Variants in SERBP1 observed in about 807,000 individuals in gnomAD.
The protein encoded by SERBP1 is SERPINE1 mRNA binding protein 1, also known as SERPINE1 mRNA-binding protein 1.
SERBP1 carries 6 observed loss-of-function variants against 50.2 expected under a neutral mutation model. The ratio of observed to expected loss-of-function variants is 0.12; its 90% CI spans 0.07 to 0.24. SERBP1 has a LOEUF of 0.24. Ranked by LOEUF, SERBP1 falls within the 10% of genes least tolerant of loss-of-function variation. The pLI is 1.00. For missense variants in SERBP1, 346 were observed against 524.9 expected, an observed-to-expected ratio of 0.66 and a Z score of 3.33; for synonymous variants, 168 against 182.8, an observed-to-expected ratio of 0.92 and a Z score of 0.65.
At chr1:67,427,889 C>A (rs1268571764) in intron 1 of SERBP1, among the ~76,000 whole-genome samples, 2 of 152,220 alleles carry the variant, frequency 1.3e-5, no homozygotes, top group East Asian at 1.9e-4. Flanking sequence ...CCCTGGTCTA[C>A]ACTCTCAATG....
chr1:67,420,253 T>A, intron 5 of SERBP1, 67 bp from the exon 6 acceptor site: 1 of 1,261,996 alleles, frequency 7.9e-7, no homozygotes, highest in African/African-American at 1.5e-5. Context: ...ATTTTAAATT[T>A]ATGATTTTAA....
Position 67,430,187 on chromosome 1 carries a change from T to A in SERBP1, c.114A>T (p.Lys38Asn). Residue 38 changes from lysine (K) to asparagine (N), a missense_variant, in exon 1 of 8, where the codon AAA becomes AAT. By Grantham distance (94) the Lys-to-Asn change is moderately conservative. Transcript: ENST00000361219. ...FEVLKAAENKKKEAGGGGVGG... is the reference protein window; with the variant it reads ...FEVLKAAENKNKEAGGGGVGG... Reference sequence around the variant, plus strand: ...CAACGCCGCCCCCGCCGGCTTCTTTTTTCTTGTTCTCTGCTGCCTTCAGCA... The same window carrying A: ...CAACGCCGCCCCCGCCGGCTTCTTTATTCTTGTTCTCTGCTGCCTTCAGCA... The A allele has an allele frequency of 6.2e-7, 1 of 1,610,824 alleles. No homozygotes were observed. The highest frequency in any genetic ancestry group is 8.5e-7 in the Non-Finnish European group (1 of 1,179,618).
chr1:67,419,751 A>G (rs1396734197), intron 6 of SERBP1: 2 of 448,170 alleles, frequency 4.5e-6, no homozygotes, highest in Admixed American at 4.0e-5. Flanking sequence ...CAATAACTAC[A>G]AGATACTCCA....
chr1:67,426,831 G>C (rs1667401728), intron 1 of SERBP1, among the ~76,000 whole-genome samples: 2 of 151,942 alleles, frequency 1.3e-5, no homozygotes, highest in African/African-American at 4.8e-5. Context: ...ATGCAATTAA[G>C]ACTCATAATT....
chr1:67,420,222 G>C (rs1452696687), intron 5 of SERBP1, 36 bp from the exon 6 acceptor site: 2 of 1,439,280 alleles, frequency 1.4e-6, no homozygotes, highest in Admixed American at 2.2e-5. Context: ...ACCTGGTAGA[G>C]AGCTGATATT....
At chr1:67,424,687 A>T (rs1216997506) in intron 4 of SERBP1, among the ~76,000 whole-genome samples, 1 of 152,030 alleles carries the variant, frequency 6.6e-6, no homozygotes, top group African/African-American at 2.4e-5. Flanking sequence ...GGAAAAAATG[A>T]GTAACAAATA....
chr1:67,424,081 C>A, intron 5 of SERBP1, 119 bp downstream of exon 5: 1 of 992,936 alleles, frequency 1.0e-6, no homozygotes, highest in East Asian at 2.7e-5. Flanking sequence ...TACAGTAAGT[C>A]TCCCTTGTCA....
rs1204646888 is a variant in SERBP1 at position 67,430,117 on chromosome 1, T to C, written c.184A>G (p.Asn62Asp). The C allele has an allele frequency of 3.7e-6, 6 of 1,612,122 alleles. No individual in the cohort carries two copies. Among genetic ancestry groups the C allele is most frequent in the Non-Finnish European group, 5.1e-6 (6 of 1,179,818 alleles). Residue 62 changes from asparagine (N) to aspartate (D), a missense_variant, in exon 1 of 8, where the codon AAC (asparagine) becomes GAC (aspartate). Physicochemically the swap from Asn to Asp is conservative, Grantham distance 23. Transcript: ENST00000361219. ...AGCTGTTTGCCTGCCGCGTTGGAGTTGGTCTGGGCCGCGGCCTGAGCTGCG... is the reference window on the plus strand; with the variant it reads ...AGCTGTTTGCCTGCCGCGTTGGAGTCGGTCTGGGCCGCGGCCTGAGCTGCG... ...KSAAQAAAQT[N>D]SNAAGKQLRK...
intron 4 of SERBP1, 50 bp from the exon 5 acceptor site, chr1:67,424,327 G>A (rs758760997): frequency 1.9e-6 from 3 of 1,583,700 alleles, no homozygotes; most frequent in East Asian, 2.3e-5. Context: ...GACTCTCTAA[G>A]GAAAGAAAGA....
At chr1:67,414,253 T>A (rs2100411263) in intron 7 of SERBP1, among the ~76,000 whole-genome samples, 1 of 152,252 alleles carries the variant, frequency 6.6e-6, no homozygotes, top group South Asian at 2.1e-4. Context: ...GCAATAATCA[T>A]CAAGGTTGAA....
In SERBP1 at chr1:67,408,920, T is replaced by C. The variant is rs970158085; in HGVS notation, c.*4287A>G. On this transcript the variant is annotated 3_prime_UTR_variant, in exon 8 of 8. Coordinates refer to ENST00000361219, the MANE Select transcript of SERBP1 (RefSeq NM_001018069.2). Reference sequence around the variant, plus strand: ...TTAAAATTACTTCTAATTTCACAGCTTCCTGTTGGGTAGACCACTTAATTT... The same window carrying C: ...TTAAAATTACTTCTAATTTCACAGCCTCCTGTTGGGTAGACCACTTAATTT... 2.6e-5 allele frequency: 4 copies of C among 152,164 alleles called. No individual in the cohort carries two copies. The highest frequency in any genetic ancestry group is 9.7e-5 in the African/African-American group (4 of 41,444). The allele number at this position is 152,164 out of a possible 1,614,324, so 9.4% of individuals were successfully genotyped here. A position where few individuals can be genotyped will look rare whatever the true frequency, so the allele number is the denominator to read the frequency against.
intron 5 of SERBP1, 146 bp from the exon 6 acceptor site, chr1:67,420,332 T>C: frequency 3.0e-6 from 2 of 675,900 alleles, no homozygotes; most frequent in South Asian, 2.3e-5. Context: ...TAGTTTCCTA[T>C]GTAACTAAGC....
intron 4 of SERBP1, among the ~76,000 whole-genome samples, chr1:67,424,619 GA>G (rs1667310151): frequency 6.6e-6 from 1 of 152,064 alleles, no homozygotes; most frequent in African/African-American, 2.4e-5. Flanking sequence ...AAGATAATCA[GA>G]ATACCCAAAT....
At chr1:67,427,009 G>C (rs1667407758) in intron 1 of SERBP1, among the ~76,000 whole-genome samples, 2 of 152,118 alleles carry the variant, frequency 1.3e-5, no homozygotes, top group Admixed American at 1.3e-4. Flanking sequence ...AAATTTTATA[G>C]CATGTAAGTG....
In SERBP1 at chr1:67,424,370, G is replaced by C. The variant is rs1299838262; in HGVS notation, c.696-93C>G. The C allele has an allele frequency of 2.6e-6, 4 of 1,516,828 alleles. No individual in the cohort carries two copies. In the African/African-American group the frequency reaches 4.2e-5, roughly 16 times the overall value. 94.0% of individuals were successfully genotyped at this position (1,516,828 alleles called of 1,614,324 possible). ...AGGCATCTAGGTCCATTTACATGTAGCTGAAAAGTTCTTCATACAAAAATA... is the reference window on the plus strand; with the variant it reads ...AGGCATCTAGGTCCATTTACATGTACCTGAAAAGTTCTTCATACAAAAATA... On this transcript the variant is annotated intron_variant, in intron 4 of 7. Transcript: ENST00000361219.
rs1305018563 is a variant in SERBP1 at position 67,408,353 on chromosome 1, CCA to C, written c.*4852_*4853del. ...TGTCATACAAGAGCACTAGGAATTG[CCA>C]CATACTCCCAAATGGGCAGCAAAAG... On this transcript the variant is annotated 3_prime_UTR_variant, in exon 8 of 8. Coordinates refer to ENST00000361219, the MANE Select transcript of SERBP1 (RefSeq NM_001018069.2). The C allele has an allele frequency of 2.0e-5, 3 of 152,076 alleles. No homozygotes were observed. Among genetic ancestry groups the C allele is most frequent in the Admixed American group, 6.5e-5 (1 of 15,268 alleles). 9.4% of individuals were successfully genotyped at this position (152,076 alleles called of 1,614,324 possible).
At chr1:67,420,236 T>C (rs1242614026) in intron 5 of SERBP1, 50 bp from the exon 6 acceptor site, 2 of 1,320,306 alleles carry the variant, frequency 1.5e-6, no homozygotes, top group African/African-American at 1.5e-5. Flanking sequence ...TGATATTACA[T>C]AAAAGTATTT....
chr1:67,427,793 T>C (rs1667436951), intron 1 of SERBP1, among the ~76,000 whole-genome samples: 1 of 152,220 alleles, frequency 6.6e-6, no homozygotes, highest in Admixed American at 6.5e-5. Context: ...CATTTAAAAA[T>C]GCAAGCTTCT....
At chr1:67,413,391 G>A in intron 7 of SERBP1, 128 bp from the exon 8 acceptor site, 2 of 820,988 alleles carry the variant, frequency 2.4e-6, no homozygotes, top group South Asian at 2.2e-5. Context: ...GCTCACACCT[G>A]TAATCCCAGC....
Sources: allele counts gnomAD v4.1 joint callset (sites outside exome capture counted in the v4.1 genomes callset), GRCh38; gene constraint gnomAD v4.1.1; transcripts MANE v1.5; gene names NCBI Gene and HGNC (gene_info 2026-07-23, HGNC 2026-07-21).